The following KDM3A variants were observed in gnomAD, a reference collection of about 807,000 sequenced individuals.
KDM3A encodes the protein lysine demethylase 3A.
A neutral mutation model predicts 158.0 loss-of-function variants in KDM3A; 60 were observed. The observed-to-expected ratio is 0.38, with a 90% CI of 0.31 to 0.47. The LOEUF is 0.47. Ranked by LOEUF, KDM3A falls within the 20% of genes least tolerant of loss-of-function variation. The pLI is 0.99. For synonymous variants in KDM3A, 608 were observed against 549.3 expected (o/e 1.11, Z -1.49); for missense variants, 1,319 against 1,574.3 (o/e 0.84, Z 2.74).
rs185238615 is a variant in KDM3A, at chr2:86,470,775, C to T, written c.1724+367C>T. On this transcript the variant is annotated intron_variant, in intron 11 of 25. Coordinates refer to ENST00000312912, the MANE Select transcript of KDM3A (RefSeq NM_018433.6). ...GTATACCTAGTTGGTATATTGCACACCCTGTTTTGAATCTTACTTTCCCAT... is the reference window on the plus strand; with the variant it reads ...GTATACCTAGTTGGTATATTGCACATCCTGTTTTGAATCTTACTTTCCCAT... 1.2e-4 allele frequency among the ~76,000 whole-genome samples: 18 copies of T among 152,192 alleles called. 1 individual carries two copies. The highest frequency in any genetic ancestry group is 5.2e-4 in the Admixed American group (8 of 15,280).
Position 86,466,654 on chromosome 2 carries a change from T to G in KDM3A, c.1290T>G (p.Ile430Met). ...CTTCTTCTAAGGCAGAATTGGAAAT[T>G]GCCAATCCTCCTGAACTGCAGAAGC... is the stretch of plus-strand genomic sequence containing the variant. ...TKASSKAELE[I>M]ANPPELQKHL... Residue 430 changes from isoleucine (I) to methionine (M), a missense_variant, in exon 10 of 26, where the codon ATT becomes ATG. Coordinates refer to ENST00000312912, the MANE Select transcript of KDM3A (RefSeq NM_018433.6). The G allele has an allele frequency of 6.2e-7, 1 of 1,613,958 alleles. No individual in the cohort carries two copies.
upstream of KDM3A, among the ~76,000 whole-genome samples, chr2:86,438,188 T>G (rs1040927737): frequency 6.6e-6 from 1 of 152,132 alleles, no homozygotes; most frequent in Non-Finnish European, 1.5e-5. Context: ...TGAATGAAAA[T>G]GAAGTATATA....
rs369643667 is a variant in KDM3A at position 86,492,131 on chromosome 2, A to G, written c.*12A>G. 5 of 1,595,936 alleles carry G rather than the reference A, an allele frequency of 3.1e-6. No homozygotes were observed. The African/African-American group carries it at 4.0e-5, about 13-fold the overall frequency. ...TTGGCAAACCTTAATCTCCCTGCAC[A>G]TTGGAAATGAATTACAGGCAGCTGT... is the stretch of plus-strand genomic sequence containing the variant. On this transcript the variant is annotated 3_prime_UTR_variant, in exon 26 of 26. Coordinates refer to ENST00000312912, the MANE Select transcript of KDM3A (RefSeq NM_018433.6).
At chr2:86,450,031 A>G in intron 3 of KDM3A, 69 bp downstream of exon 3, 1 of 1,464,694 alleles carries the variant, frequency 6.8e-7, no homozygotes, top group Non-Finnish European at 9.2e-7. Flanking sequence ...TACAAAAGGA[A>G]TATGTAAATG....
chr2:86,453,652 A>G (rs1269389585), intron 4 of KDM3A, among the ~76,000 whole-genome samples: 1 of 152,202 alleles, frequency 6.6e-6, no homozygotes, highest in African/African-American at 2.4e-5. Context: ...ATATAATTAA[A>G]TTTTTTGAAA....
chr2:86,468,513 T>G (rs566446096), intron 10 of KDM3A, among the ~76,000 whole-genome samples: 1 of 151,812 alleles, frequency 6.6e-6, no homozygotes, highest in South Asian at 2.1e-4. Flanking sequence ...TAATATGTTA[T>G]GTAGCTATTC....
At chr2:86,446,098 A>G (rs185734837) in intron 2 of KDM3A, among the ~76,000 whole-genome samples, 1 of 152,356 alleles carries the variant, frequency 6.6e-6, no homozygotes, top group Admixed American at 6.5e-5. Flanking sequence ...ATATTAATTC[A>G]TATATCAGAA....
upstream of KDM3A, chr2:86,440,951 A>C (rs1055656577): frequency 1.3e-5 from 2 of 152,278 alleles, no homozygotes; most frequent in Non-Finnish European, 2.9e-5. Flanking sequence ...TACGCGGTTG[A>C]AGAACAATCC....
chr2:86,486,316 T>TGA (rs1674178577), intron 21 of KDM3A, among the ~76,000 whole-genome samples: 1 of 152,226 alleles, frequency 6.6e-6, no homozygotes, highest in Admixed American at 6.5e-5. Context: ...AAGTACCCTT[T>TGA]GAGTTGGACT....
chr2:86,456,748 C>G, intron 6 of KDM3A, 57 bp from the exon 7 acceptor site: 1 of 1,420,686 alleles, frequency 7.0e-7, no homozygotes, highest in Middle Eastern at 1.9e-4. Flanking sequence ...ACCTGATTTT[C>G]AGTATGTTCT....
chr2:86,480,213 A>C lies in KDM3A; in HGVS notation c.2363A>C (p.Gln788Pro). Residue 788 changes from glutamine (Q) to proline (P), a missense_variant, in exon 16 of 26, where the codon CAG becomes CCG. Physicochemically the swap from Gln to Pro is moderately conservative, Grantham distance 76. Around this residue, in one of 4 missense-constraint regions of KDM3A, gnomAD observed 368 missense variants for 415.8 expected, o/e 0.89. Coordinates refer to ENST00000312912, the MANE Select transcript of KDM3A (RefSeq NM_018433.6). ...CCGACTCTTGGTGCAGTGCTCCAGCAGAATCCCTCAGTGTTGGAGCCAGCA... is the reference window on the plus strand; with the variant it reads ...CCGACTCTTGGTGCAGTGCTCCAGCCGAATCCCTCAGTGTTGGAGCCAGCA... ...EKPTLGAVLQ[Q>P]NPSVLEPAAV... is the part of the protein sequence containing the mutation. 1 of 1,613,598 alleles carries C rather than the reference A, an allele frequency of 6.2e-7. No homozygotes were observed. Among genetic ancestry groups the C allele is most frequent in the Non-Finnish European group, 8.5e-7 (1 of 1,180,044 alleles).
intron 25 of KDM3A, chr2:86,491,481 G>A: frequency 1.7e-6 from 1 of 576,264 alleles, no homozygotes; most frequent in East Asian, 2.9e-5. Context: ...ATTTGATATT[G>A]TTTAGAATCT....
intron 15 of KDM3A, 143 bp downstream of exon 15, chr2:86,478,878 A>G (rs1673791173): frequency 3.9e-6 from 3 of 763,472 alleles, no homozygotes; most frequent in Non-Finnish European, 6.3e-6. Context: ...AAGAATTCAT[A>G]CAGTTCATGT....
At chr2:86,462,966 C>T (rs559906532) in intron 8 of KDM3A, among the ~76,000 whole-genome samples, 1 of 152,216 alleles carries the variant, frequency 6.6e-6, no homozygotes, top group African/African-American at 2.4e-5. Flanking sequence ...TGGTACATGC[C>T]TGTAATCCCA....
chr2:86,483,961 C>G (rs767138043), intron 18 of KDM3A, 26 bp from the exon 19 acceptor site: 5 of 1,594,890 alleles, frequency 3.1e-6, no homozygotes, highest in African/African-American at 2.7e-5. Flanking sequence ...AGAGTTCAGA[C>G]TAAAGTTTTC....
rs1673145945 is a variant in KDM3A, at chr2:86,466,372, A to G, written c.1008A>G (p.Gly336=). ...PPNLGAKIPQ[G]CHKQSLPEEI... Reference sequence around the variant, plus strand: ...TAGCTTTCTATATTATATTTTTCAGATGTCATAAACAAAGTTTACCAGAGG... The same window carrying G: ...TAGCTTTCTATATTATATTTTTCAGGTGTCATAAACAAAGTTTACCAGAGG... The change falls in exon 10 of 26, where the codon GGA becomes GGG. Residue 336 remains glycine (G), a splice_region_variant and synonymous_variant. Coordinates refer to ENST00000312912, the MANE Select transcript of KDM3A (RefSeq NM_018433.6). 13 of 1,603,238 alleles carry G rather than the reference A, an allele frequency of 8.1e-6. No homozygotes were observed. Among genetic ancestry groups the G allele is most frequent in the Non-Finnish European group, 1.0e-5 (12 of 1,175,436 alleles).
intron 11 of KDM3A, among the ~76,000 whole-genome samples, chr2:86,473,684 G>T (rs1204340423): frequency 6.6e-6 from 1 of 152,140 alleles, no homozygotes; most frequent in Non-Finnish European, 1.5e-5. Flanking sequence ...TGGGAGTGGG[G>T]GTTGCCATGA....
At chr2:86,452,891 T>G (rs140573585) in intron 4 of KDM3A, among the ~76,000 whole-genome samples, 46 of 152,320 alleles carry the variant, frequency 3.0e-4, no homozygotes, top group African/African-American at 1.1e-3. Flanking sequence ...TGCTTTCACT[T>G]AGTTAATTTC....
intron 2 of KDM3A, among the ~76,000 whole-genome samples, chr2:86,445,158 G>A (rs1429320604): frequency 6.6e-6 from 1 of 151,992 alleles, no homozygotes; most frequent in East Asian, 1.9e-4. Flanking sequence ...TATTTTGCTA[G>A]CCTCTATATC....
Sources: gnomAD v4.1 joint callset for allele counts (sites outside exome capture counted in the v4.1 genomes callset) on GRCh38, gnomAD v4.1.1 for gene constraint, gnomAD v4.1.1 regional missense constraint, MANE v1.5 for transcripts, NCBI Gene and HGNC (gene_info 2026-07-23, HGNC 2026-07-21) for gene names.